The following LRRC4C variants were observed in gnomAD, a reference collection of about 807,000 sequenced individuals.
LRRC4C encodes leucine-rich repeat-containing protein 4C.
In LRRC4C, 5 loss-of-function variants were observed where a neutral mutation model predicts 33.6. The ratio of observed to expected loss-of-function variants is 0.15; its 90% CI spans 0.08 to 0.31. The LOEUF (loss-of-function observed/expected upper bound fraction) is 0.31, where lower values mean the gene tolerates loss of function less well. Ranked by LOEUF, LRRC4C falls within the 10% of genes least tolerant of loss-of-function variation. The pLI is 1.00. For synonymous variants in LRRC4C, 329 were observed against 302.0 expected (o/e 1.09, Z -0.93); for missense variants, 560 against 796.7 (o/e 0.70, Z 3.58).
intron 3 of LRRC4C, among the ~76,000 whole-genome samples, chr11:40,449,057 G>A (rs555138180): frequency 6.6e-6 from 1 of 152,144 alleles, no homozygotes; most frequent in Admixed American, 6.5e-5. Flanking sequence ...CTTTTGAGAA[G>A]TGTCTGTTCA....
intron 3 of LRRC4C, among the ~76,000 whole-genome samples, chr11:40,571,116 A>G (rs1591140086): frequency 6.6e-6 from 1 of 152,100 alleles, no homozygotes. Flanking sequence ...CATTGGAATA[A>G]AATTGCATTA....
chr11:40,240,690 A>G (rs900414036), intron 5 of LRRC4C, among the ~76,000 whole-genome samples: 41 of 152,200 alleles, frequency 2.7e-4, no homozygotes, highest in African/African-American at 9.6e-4. Flanking sequence ...TCAACTAACT[A>G]AAACCTATAT....
At chr11:41,291,004 A>T (rs1949977920) in intron 1 of LRRC4C, among the ~76,000 whole-genome samples, 1 of 152,162 alleles carries the variant, frequency 6.6e-6, no homozygotes, top group African/African-American at 2.4e-5. Flanking sequence ...CAGCTATAAA[A>T]CTATTCTTCG....
chr11:40,339,807 T>A (rs1166639324), intron 3 of LRRC4C, among the ~76,000 whole-genome samples: 1 of 152,186 alleles, frequency 6.6e-6, no homozygotes, highest in Non-Finnish European at 1.5e-5. Flanking sequence ...TATTAATTTC[T>A]TCTCTCCTTT....
At chr11:41,017,130 G>A (rs1855644667) in intron 1 of LRRC4C, among the ~76,000 whole-genome samples, 1 of 152,078 alleles carries the variant, frequency 6.6e-6, no homozygotes, top group Non-Finnish European at 1.5e-5. Flanking sequence ...GTGAACAAGA[G>A]CAAAAATAAA....
At chr11:40,193,562 C>T (rs1054814675) in intron 5 of LRRC4C, among the ~76,000 whole-genome samples, 1 of 152,138 alleles carries the variant, frequency 6.6e-6, no homozygotes, top group Admixed American at 6.5e-5. Flanking sequence ...CAAAGGATCA[C>T]GACTCCTCGC....
At chr11:41,052,185 G>A (rs61693865) in intron 1 of LRRC4C, among the ~76,000 whole-genome samples, 3 of 152,068 alleles carry the variant, frequency 2.0e-5, no homozygotes, top group Non-Finnish European at 4.4e-5. Context: ...AATTAGAAGA[G>A]TATGAAGAAG....
At chr11:40,763,591 C>T (rs966704897) in intron 2 of LRRC4C, among the ~76,000 whole-genome samples, 2 of 152,096 alleles carry the variant, frequency 1.3e-5, no homozygotes, top group Admixed American at 6.5e-5. Context: ...ATTGTCAACA[C>T]CACCCCTTCC....
rs550551977 is a variant in LRRC4C at position 40,922,955 on chromosome 11, G to A, written c.-407+10680C>T. 3.3e-5 allele frequency among the ~76,000 whole-genome samples: 5 copies of A among 152,190 alleles called. No individual in the cohort carries two copies. In the South Asian group the frequency reaches 1.0e-3, roughly 32 times the overall value. The stretch of plus-strand genomic sequence containing the variant: ...TTCTCATGCCTCAACCTCCCAAGTA[G>A]CTGGGACTGCAGGCATACGCCACCA... On this transcript the variant is annotated intron_variant, in intron 2 of 6. Coordinates refer to ENST00000528697, the MANE Select transcript of LRRC4C (RefSeq NM_001258419.2).
chr11:40,122,875 TATATA>T (rs1348889694), intron 6 of LRRC4C, among the ~76,000 whole-genome samples: 1 of 145,328 alleles, frequency 6.9e-6, no homozygotes, highest in Admixed American at 7.4e-5. Flanking sequence ...ACAAAACAAA[TATATA>T]TATATAGATA....
chr11:41,267,479 G>T (rs1322788138), intron 1 of LRRC4C, among the ~76,000 whole-genome samples: 1 of 152,110 alleles, frequency 6.6e-6, no homozygotes, highest in Non-Finnish European at 1.5e-5. Context: ...TTGCAGGACT[G>T]TTGCAGGTAC....
At chr11:40,446,350 G>A (rs1951635333) in intron 3 of LRRC4C, 1 of 152,094 alleles carries the variant, frequency 6.6e-6, no homozygotes, top group African/African-American at 2.4e-5. Flanking sequence ...ATGTTCTGAT[G>A]TACAGTTAAC....
At chr11:41,218,979 G>A (rs931236438) in intron 1 of LRRC4C, among the ~76,000 whole-genome samples, 1 of 151,824 alleles carries the variant, frequency 6.6e-6, no homozygotes, top group African/African-American at 2.4e-5. Flanking sequence ...CACTGTGTTA[G>A]CCAGGATGGT....
At chr11:41,361,324 A>G (rs1221477916) in intron 1 of LRRC4C, among the ~76,000 whole-genome samples, 2 of 151,996 alleles carry the variant, frequency 1.3e-5, no homozygotes, top group Non-Finnish European at 2.9e-5. Context: ...CATCAACTTC[A>G]TTTTCTTGTA....
intron 2 of LRRC4C, among the ~76,000 whole-genome samples, chr11:40,778,129 G>T (rs575118231): frequency 1.3e-5 from 2 of 152,242 alleles, no homozygotes; most frequent in African/African-American, 4.8e-5. Context: ...TGTAGTTTCT[G>T]TTGTATAGTT....
intron 2 of LRRC4C, among the ~76,000 whole-genome samples, chr11:40,751,496 G>C (rs1171459770): frequency 1.3e-5 from 2 of 151,944 alleles, no homozygotes; most frequent in African/African-American, 4.8e-5. Context: ...AAATCAAGAA[G>C]ACACATTTAC....
At chr11:41,216,636 C>G (rs573736313) in intron 1 of LRRC4C, among the ~76,000 whole-genome samples, 2 of 152,192 alleles carry the variant, frequency 1.3e-5, no homozygotes, top group African/African-American at 2.4e-5. Context: ...ATGCAGGAGG[C>G]AAAATAGCAT....
chr11:40,509,483 T>A (rs547934217), intron 3 of LRRC4C, among the ~76,000 whole-genome samples: 1 of 151,984 alleles, frequency 6.6e-6, no homozygotes, highest in Admixed American at 6.5e-5. Flanking sequence ...TGCTGGTTTT[T>A]AAAATTTTTT....
At chr11:40,775,659 G>T (rs1565046546) in intron 2 of LRRC4C, among the ~76,000 whole-genome samples, 1 of 152,102 alleles carries the variant, frequency 6.6e-6, no homozygotes, top group Non-Finnish European at 1.5e-5. Flanking sequence ...TGTTTTTCAG[G>T]TCTATGGGCC....
Sources: gnomAD v4.1 joint callset for allele counts (sites outside exome capture counted in the v4.1 genomes callset) on GRCh38, gnomAD v4.1.1 for gene constraint, MANE v1.5 for transcripts, NCBI Gene and HGNC (gene_info 2026-07-23, HGNC 2026-07-21) for gene names.